CNOT2: variants seen among roughly 807,000 people sequenced by gnomAD.
The protein encoded by CNOT2 is CCR4-NOT transcription complex subunit 2.
A neutral mutation model predicts 72.1 loss-of-function variants in CNOT2; 7 were observed. That is an observed-to-expected ratio of 0.10 (90% CI 0.06 to 0.18). The LOEUF (loss-of-function observed/expected upper bound fraction) is 0.18, where lower values mean the gene tolerates loss of function less well. Ranked by LOEUF, CNOT2 falls within the 10% of genes least tolerant of loss-of-function variation. CNOT2 has a pLI of 1.00. For missense variants in CNOT2, 345 were observed against 660.3 expected (o/e 0.52, Z 5.23); for synonymous variants, 196 against 225.6 (o/e 0.87, Z 1.17).
chr12:70,321,662 T>C (rs1878321832), intron 4 of CNOT2: 1 of 151,818 alleles, frequency 6.6e-6, no homozygotes, highest in Non-Finnish European at 1.5e-5. Flanking sequence ...AAACTTTTAT[T>C]GTAATTTGTG....
At chr12:70,273,471 A>G (rs941451446) in intron 1 of CNOT2, among the ~76,000 whole-genome samples, 1 of 152,142 alleles carries the variant, frequency 6.6e-6, no homozygotes, top group Non-Finnish European at 1.5e-5. Context: ...CCATGCAGAT[A>G]TATTATTTTC....
intron 2 of CNOT2, among the ~76,000 whole-genome samples, chr12:70,283,898 G>T (rs975968426): frequency 6.7e-6 from 1 of 150,318 alleles, no homozygotes; most frequent in African/African-American, 2.4e-5. Context: ...CACATGATCA[G>T]CAACGGAAGT....
chr12:70,343,154 G>A (rs977369204), intron 13 of CNOT2, among the ~76,000 whole-genome samples: 6 of 152,076 alleles, frequency 3.9e-5, no homozygotes, highest in Admixed American at 6.5e-5. Context: ...GAGCTCTTTC[G>A]CTCCAATTAC....
Position 70,346,270 on chromosome 12 carries a change from T to C in CNOT2, c.1482T>C (p.Tyr494=). Residue 494 remains tyrosine (Y), a synonymous_variant, in exon 15 of 16, where the codon TAT becomes TAC. Coordinates refer to ENST00000229195, the MANE Select transcript of CNOT2 (RefSeq NM_014515.7). ...GMEPTMKTNT[Y]ERGTYYFFDC... ...AGCCAACAATGAAAACCAATACCTA[T>C]GAGAGGGGAACATATTACTTCTTTG... 1 of 1,610,606 alleles carries C rather than the reference T, an allele frequency of 6.2e-7. No individual in the cohort carries two copies. Among genetic ancestry groups the C allele is most frequent in the Non-Finnish European group, 8.5e-7 (1 of 1,176,902 alleles).
chr12:70,314,789 A>G (rs1877032856), intron 3 of CNOT2, among the ~76,000 whole-genome samples: 1 of 152,022 alleles, frequency 6.6e-6, no homozygotes, highest in African/African-American at 2.4e-5. Flanking sequence ...CTTAATGACT[A>G]TTTTATTTTA....
intron 1 of CNOT2, among the ~76,000 whole-genome samples, chr12:70,260,423 T>C (rs1958689690): frequency 1.3e-5 from 2 of 152,138 alleles, no homozygotes; most frequent in East Asian, 1.9e-4. Flanking sequence ...CTTAATTTCA[T>C]TTTTGGATTG....
intron 7 of CNOT2, 21 bp from the exon 8 acceptor site, chr12:70,335,417 G>T (rs1235312321): frequency 1.3e-6 from 2 of 1,548,424 alleles, no homozygotes. Context: ...TCAATAACCA[G>T]TGTCCTTTCT....
rs572641166 is a variant in CNOT2 at position 70,337,724 on chromosome 12, C to G, written c.900+211C>G. 131 of 586,088 alleles carry G rather than the reference C, an allele frequency of 2.2e-4. No homozygotes were observed. In the African/African-American group the frequency reaches 2.2e-3, roughly 10 times the overall value. 36.3% of individuals were successfully genotyped at this position (586,088 alleles called of 1,614,324 possible). On this transcript the variant is annotated intron_variant, in intron 9 of 15. Coordinates refer to ENST00000229195, the MANE Select transcript of CNOT2 (RefSeq NM_014515.7). ...TATAGGTTTGCAAATTTCTGTTGAA[C>G]TTCTCAGAGTTAATTTAGACTTTTA...
intron 7 of CNOT2, chr12:70,334,725 C>T (rs1880430017): frequency 6.6e-6 from 1 of 151,982 alleles, no homozygotes; most frequent in African/African-American, 2.4e-5. Context: ...ATTGTTTTAA[C>T]TTAAAATGAA....
At chr12:70,286,688 A>C (rs962850674) in intron 2 of CNOT2, among the ~76,000 whole-genome samples, 28 of 150,050 alleles carry the variant, frequency 1.9e-4, no homozygotes, top group African/African-American at 6.3e-4. Flanking sequence ...CTTTTTCTTC[A>C]TAAGAGTCTT....
At chr12:70,284,456 C>A (rs568160769) in intron 2 of CNOT2, among the ~76,000 whole-genome samples, 1 of 151,610 alleles carries the variant, frequency 6.6e-6, no homozygotes. Context: ...ATGTTGGCCA[C>A]GCTAGTCTCA....
chr12:70,308,853 T>C (rs1368503266), intron 2 of CNOT2, among the ~76,000 whole-genome samples: 2 of 152,192 alleles, frequency 1.3e-5, no homozygotes, highest in South Asian at 4.1e-4. Flanking sequence ...TTTATGTGTA[T>C]AAAATTTGAT....
At chr12:70,265,397 T>C (rs1958994536) in intron 1 of CNOT2, among the ~76,000 whole-genome samples, 1 of 151,856 alleles carries the variant, frequency 6.6e-6, no homozygotes, top group African/African-American at 2.4e-5. Flanking sequence ...AGACTTCAGG[T>C]TTTTTGAGGA....
chr12:70,286,134 A>G (rs1380410844), intron 2 of CNOT2, among the ~76,000 whole-genome samples: 1 of 123,644 alleles, frequency 8.1e-6, no homozygotes, highest in Non-Finnish European at 1.8e-5. Flanking sequence ...TGTGAAAATA[A>G]CAGAAGAGAG....
intron 13 of CNOT2, 72 bp from the exon 14 acceptor site, chr12:70,344,056 A>T: frequency 1.1e-6 from 1 of 917,566 alleles, no homozygotes; most frequent in Non-Finnish European, 1.7e-6. Context: ...TTTTTTCTTT[A>T]GTAGTAGCAA....
chr12:70,301,481 TGCC>T (rs1373911366), intron 2 of CNOT2, among the ~76,000 whole-genome samples: 365 of 76,062 alleles, frequency 4.8e-3, no homozygotes, highest in African/African-American at 0.018. Flanking sequence ...GAGATAATCA[TGCC>T]GTTTTTTTTC....
chr12:70,354,209 A>G lies in CNOT2; in HGVS notation c.*294A>G, dbSNP rs1883222213. 2.8e-6 allele frequency: 1 copy of G among 361,624 alleles called. No individual in the cohort carries two copies. The highest frequency in any genetic ancestry group is 9.6e-5 in the South Asian group (1 of 10,396). 22.4% of individuals were successfully genotyped at this position (361,624 alleles called of 1,614,324 possible). On this transcript the variant is annotated 3_prime_UTR_variant, in exon 16 of 16. Transcript: ENST00000229195. ...AGACTTGAGTCTGTAAAGACAAGCA[A>G]ATACACTGACAGAAGTTTACCATAG...
chr12:70,319,262 T>G, intron 3 of CNOT2, 36 bp from the exon 4 acceptor site: 2 of 1,583,960 alleles, frequency 1.3e-6, no homozygotes, highest in Middle Eastern at 3.4e-4. Context: ...TCTGCTCTGT[T>G]TTCTTTATGC....
At position 70,310,997 on chromosome 12, in the gene CNOT2, C is replaced by T; in HGVS notation, c.151C>T (p.Pro51Ser). ...GTACTACAGCCAGTCTTCTATGTTT[C>T]CACATCGGTCAGAAAAAGATGTAAG... ...NMYYSQSSMF[P>S]HRSEKDMLAS... The change falls in exon 3 of 16, where the codon CCA (proline) becomes TCA (serine). Residue 51 changes from proline to serine, a missense_variant. Coordinates refer to ENST00000229195, the MANE Select transcript of CNOT2 (RefSeq NM_014515.7). The T allele has an allele frequency of 1.3e-6, 2 of 1,598,762 alleles. No individual in the cohort carries two copies. The highest frequency in any genetic ancestry group is 2.2e-5 in the South Asian group (2 of 90,538).
Sources: gnomAD v4.1 joint callset for allele counts (sites outside exome capture counted in the v4.1 genomes callset) on GRCh38, gnomAD v4.1.1 for gene constraint, MANE v1.5 for transcripts, NCBI Gene and HGNC (gene_info 2026-07-23, HGNC 2026-07-21) for gene names.